The following NRG2 variants were observed in gnomAD, a reference collection of about 807,000 sequenced individuals.
NRG2 encodes the protein neuregulin 2.
Under a neutral mutation model 73.9 loss-of-function variants are expected in NRG2, and 27 were observed. That is an observed-to-expected ratio of 0.37 (90% confidence interval 0.27 to 0.50). The LOEUF is 0.50. NRG2 is among the 20% of genes least tolerant of loss of function. The pLI is 0.96. For missense variants in NRG2, 1,126 were observed against 1,210.1 expected (o/e 0.93, Z 1.03); for synonymous variants, 532 against 541.0 (o/e 0.98, Z 0.23).
chr5:139,894,324 C>T lies in NRG2; in HGVS notation c.701-6813G>A, dbSNP rs999125389. On this transcript the variant is annotated intron_variant, in intron 1 of 9. Coordinates refer to ENST00000361474, the MANE Select transcript of NRG2 (RefSeq NM_004883.3). The surrounding 1 kb of genome is among the most constrained non-coding windows in gnomAD (Gnocchi z 5.0). ...ACCTGGAGACAATGTGGCCAGCCTG[C>T]CTGGCATCAAAGTTTCCCACTGTCC... Among the ~76,000 whole-genome samples, 5 of 152,258 alleles carry T rather than the reference C, an allele frequency of 3.3e-5. No individual in the cohort carries two copies. The highest frequency in any genetic ancestry group is 2.1e-4 in the South Asian group (1 of 4,822).
intron 1 of NRG2, among the ~76,000 whole-genome samples, chr5:139,943,995 T>C (rs1753603621): frequency 1.3e-5 from 2 of 152,196 alleles, no homozygotes; most frequent in Admixed American, 1.3e-4. Context: ...ACATCACAAA[T>C]ATTATTCTTT....
chr5:140,003,909 C>T (rs1313876416), intron 1 of NRG2, among the ~76,000 whole-genome samples: 1 of 152,222 alleles, frequency 6.6e-6, no homozygotes, highest in Non-Finnish European at 1.5e-5. Flanking sequence ...CTTCAACATA[C>T]ATCCAGAATC....
At chr5:140,028,025 C>T (rs547559695) in intron 1 of NRG2, among the ~76,000 whole-genome samples, 2 of 152,278 alleles carry the variant, frequency 1.3e-5, no homozygotes, top group South Asian at 4.1e-4. Context: ...GGACTAGCGA[C>T]TAATGTTGCC....
chr5:140,003,225 T>C (rs1467156895), intron 1 of NRG2, among the ~76,000 whole-genome samples: 1 of 152,174 alleles, frequency 6.6e-6, no homozygotes, highest in African/African-American at 2.4e-5. Context: ...TAAAACAAGA[T>C]GTAATTATAC....
At chr5:140,017,632 T>C (rs1362780952) in intron 1 of NRG2, among the ~76,000 whole-genome samples, 1 of 152,134 alleles carries the variant, frequency 6.6e-6, no homozygotes, top group African/African-American at 2.4e-5. Context: ...GGTCAGGAAC[T>C]AGAAGTTCAC....
At chr5:139,864,969 G>A (rs1180227927) in intron 5 of NRG2, 3 of 744,508 alleles carry the variant, frequency 4.0e-6, no homozygotes, top group African/African-American at 3.4e-5. Context: ...GTGGAGGTGG[G>A]GGTGCCGGGG....
intron 6 of NRG2, 128 bp downstream of exon 6, chr5:139,855,548 G>A (rs575670424): frequency 6.4e-5 from 49 of 768,968 alleles, no homozygotes; most frequent in African/African-American, 4.7e-4. Context: ...GGCCCCCGAG[G>A]GGTAGTTGGG....
At position 139,904,322 on chromosome 5, in the gene NRG2, C is replaced by T; in HGVS notation, c.701-16811G>A. ...GGTGCCCTACCTTTCTCCCCGGGAT[C>T]GGGCTCCCTCTCCCGCTTCCTCCCC... On this transcript the variant is annotated intron_variant, in intron 1 of 9. Coordinates refer to ENST00000361474, the MANE Select transcript of NRG2 (RefSeq NM_004883.3). The surrounding 1 kb of genome is among the most constrained non-coding windows in gnomAD (Gnocchi z 6.0). 6.3e-7 allele frequency: 1 copy of T among 1,591,658 alleles called. No individual in the cohort carries two copies. The highest frequency in any genetic ancestry group is 1.3e-5 in the African/African-American group (1 of 74,156).
At chr5:139,858,277 T>C (rs1340155609) in intron 5 of NRG2, among the ~76,000 whole-genome samples, 1 of 152,174 alleles carries the variant, frequency 6.6e-6, no homozygotes, top group Non-Finnish European at 1.5e-5. Flanking sequence ...TCCAACCACA[T>C]GATCTCTATA....
chr5:139,906,295 C>G (rs567411160), intron 1 of NRG2, among the ~76,000 whole-genome samples: 1 of 152,084 alleles, frequency 6.6e-6, no homozygotes, highest in Non-Finnish European at 1.5e-5. Context: ...TGTGAGCCAC[C>G]GCGCCCGGCC....
At chr5:139,965,555 A>G (rs1316889318) in intron 1 of NRG2, among the ~76,000 whole-genome samples, 1 of 152,210 alleles carries the variant, frequency 6.6e-6, no homozygotes, top group East Asian at 1.9e-4. Flanking sequence ...CTGATGCTCC[A>G]ATGTATAACA....
intron 5 of NRG2, among the ~76,000 whole-genome samples, chr5:139,861,439 C>T (rs59487093): frequency 0.013 from 1,996 of 152,346 alleles, 35 homozygotes; most frequent in African/African-American, 0.046. Context: ...GGGAGAGCAG[C>T]ATGGCTCCGA....
rs145408856 is a variant in NRG2 at position 139,964,236 on chromosome 5, G to A, written c.701-76725C>T. 4.6e-3 allele frequency among the ~76,000 whole-genome samples: 701 copies of A among 152,256 alleles called. 9 individuals are homozygous for A. The highest frequency in any genetic ancestry group is 0.016 in the African/African-American group (682 of 41,536). On this transcript the variant is annotated intron_variant, in intron 1 of 9. Transcript: ENST00000361474. Reference sequence around the variant, plus strand: ...AGGTGCTGGAAAATGGTAATAACTCGAATTCCCAGCCTGGCCCTCCAATGT... The same window carrying A: ...AGGTGCTGGAAAATGGTAATAACTCAAATTCCCAGCCTGGCCCTCCAATGT...
chr5:139,896,848 T>C (rs994722932), intron 1 of NRG2, among the ~76,000 whole-genome samples: 3 of 152,192 alleles, frequency 2.0e-5, no homozygotes, highest in Admixed American at 6.5e-5. Flanking sequence ...CACCTCAATG[T>C]GCCTCACGGC....
rs370887031 is a variant in NRG2 at position 139,888,115 on chromosome 5, A to AAAACACACAC, written c.701-605_701-604insGTGTGTGTTT. ...CCACCACCAAAATACAAAACAAAAC[A>AAAACACACAC]ACACACACACACACACACACACACC... On this transcript the variant is annotated intron_variant, in intron 1 of 9. Transcript: ENST00000361474. 8.7e-4 allele frequency among the ~76,000 whole-genome samples: 129 copies of AAAACACACAC among 148,904 alleles called. 1 individual carries two copies. The highest frequency in any genetic ancestry group is 3.1e-3 in the African/African-American group (126 of 40,614).
rs149924764 is a variant in NRG2, at chr5:139,871,795, G to A, written c.1038C>T (p.Asn346=). 2.2e-4 allele frequency: 348 copies of A among 1,614,134 alleles called. No individual in the cohort carries two copies. The highest frequency in any genetic ancestry group is 1.5e-3 in the Middle Eastern group (9 of 6,060). ...TGACGCAATAGGACTTGGCTGTCTCGTTGCACTTCCGGGCGTGCCCCGACC... is the reference window on the plus strand; with the variant it reads ...TGACGCAATAGGACTTGGCTGTCTCATTGCACTTCCGGGCGTGCCCCGACC... ...SSWSGHARKC[N]ETAKSYCVNG... is the part of the protein sequence containing the mutation. The change falls in exon 4 of 10, where the codon AAC becomes AAT. Residue 346 remains asparagine (N), a synonymous_variant. Coordinates refer to ENST00000361474, the MANE Select transcript of NRG2 (RefSeq NM_004883.3).
At chr5:139,918,641 CAG>C (rs1320651296) in intron 1 of NRG2, among the ~76,000 whole-genome samples, 1 of 152,042 alleles carries the variant, frequency 6.6e-6, no homozygotes, top group African/African-American at 2.4e-5. Context: ...GTTGGGAAAA[CAG>C]GGGGAAAGAG....
chr5:139,934,635 T>C (rs901856186), intron 1 of NRG2, among the ~76,000 whole-genome samples: 1 of 152,106 alleles, frequency 6.6e-6, no homozygotes, highest in Non-Finnish European at 1.5e-5. Flanking sequence ...AGTAATCACA[T>C]TAAATGCAAA....
chr5:140,004,827 T>A (rs1044853400), intron 1 of NRG2, among the ~76,000 whole-genome samples: 2 of 152,228 alleles, frequency 1.3e-5, no homozygotes, highest in African/African-American at 2.4e-5. Context: ...AATAGTATTG[T>A]ACCAGTGTTA....
Sources: allele counts gnomAD v4.1 joint callset (sites outside exome capture counted in the v4.1 genomes callset), GRCh38; gene constraint gnomAD v4.1.1; non-coding constraint Gnocchi (gnomAD v3.1); transcripts MANE v1.5; gene names NCBI Gene and HGNC (gene_info 2026-07-23, HGNC 2026-07-21).